The following ZMAT4 variants were observed in gnomAD, a reference collection of about 807,000 sequenced individuals.
The protein encoded by ZMAT4 is zinc finger matrin-type 4.
In ZMAT4, 17 loss-of-function variants were observed where a neutral mutation model predicts 28.7. The ratio of observed to expected loss-of-function variants is 0.59; its 90% CI spans 0.41 to 0.89. The LOEUF is 0.89. Among genes scored for constraint, ZMAT4 ranks in the 40% least tolerant of loss-of-function variants. The probability of loss-of-function intolerance (pLI) is 0.00; values close to 1 mark genes in which losing one functional copy is unlikely to be tolerated. For missense variants in ZMAT4, 240 were observed against 283.8 expected, an observed-to-expected ratio of 0.85 and a Z score of 1.11; for synonymous variants, 117 against 109.2, an observed-to-expected ratio of 1.07 and a Z score of -0.44.
At chr8:40,661,035 T>C (rs1326234518) in intron 5 of ZMAT4, among the ~76,000 whole-genome samples, 2 of 152,216 alleles carry the variant, frequency 1.3e-5, no homozygotes, top group African/African-American at 4.8e-5. Flanking sequence ...TAGGTGCTTA[T>C]TAAATATTAC....
chr8:40,731,449 A>G (rs1353290064), intron 3 of ZMAT4, among the ~76,000 whole-genome samples: 1 of 152,192 alleles, frequency 6.6e-6, no homozygotes, highest in Non-Finnish European at 1.5e-5. Context: ...AGACAAAAAC[A>G]ATAACAAGAA....
At chr8:40,662,019 C>G (rs1008195396) in intron 5 of ZMAT4, among the ~76,000 whole-genome samples, 3 of 152,168 alleles carry the variant, frequency 2.0e-5, no homozygotes, top group African/African-American at 7.2e-5. Context: ...CTCTGTCACC[C>G]AGGCTGGAGT....
intron 2 of ZMAT4, among the ~76,000 whole-genome samples, chr8:40,811,969 A>G (rs1474896794): frequency 6.6e-6 from 1 of 151,890 alleles, no homozygotes; most frequent in Non-Finnish European, 1.5e-5. Context: ...CGTCTCTACT[A>G]AAAATACAAA....
At chr8:40,667,981 C>A (rs1049079915) in intron 5 of ZMAT4, among the ~76,000 whole-genome samples, 1 of 151,944 alleles carries the variant, frequency 6.6e-6, no homozygotes, top group Non-Finnish European at 1.5e-5. Context: ...TATGTGAGTG[C>A]AGGATTGCTA....
intron 6 of ZMAT4, among the ~76,000 whole-genome samples, chr8:40,567,700 CAAAA>C (rs576543188): frequency 9.5e-6 from 1 of 105,188 alleles, no homozygotes. Flanking sequence ...AAGACTGTCT[CAAAA>C]AAAAAAAAAA....
At chr8:40,578,086 T>A (rs1348368741) in intron 6 of ZMAT4, among the ~76,000 whole-genome samples, 5 of 151,996 alleles carry the variant, frequency 3.3e-5, no homozygotes, top group African/African-American at 1.2e-4. Context: ...CAGTCTTGAA[T>A]AAGAAGATAC....
At chr8:40,708,568 T>A (rs1810462364) in intron 3 of ZMAT4, among the ~76,000 whole-genome samples, 1 of 93,498 alleles carries the variant, frequency 1.1e-5, no homozygotes, top group Non-Finnish European at 2.0e-5. Context: ...ACATACACAC[T>A]CTTTCTCTCT....
intron 3 of ZMAT4, among the ~76,000 whole-genome samples, chr8:40,716,571 A>G (rs1227270442): frequency 6.6e-6 from 1 of 152,224 alleles, no homozygotes. Flanking sequence ...GCATGCCTGT[A>G]ATTCCAGCTA....
chr8:40,548,170 C>A (rs576403647), intron 6 of ZMAT4, among the ~76,000 whole-genome samples: 7 of 152,124 alleles, frequency 4.6e-5, no homozygotes, highest in Non-Finnish European at 1.0e-4. Flanking sequence ...GTAGGAAGGA[C>A]CCTTCAGGCC....
intron 5 of ZMAT4, among the ~76,000 whole-genome samples, chr8:40,600,946 T>C (rs1422239252): frequency 6.6e-6 from 1 of 152,152 alleles, no homozygotes; most frequent in East Asian, 1.9e-4. Flanking sequence ...TGCTGTTCCA[T>C]CCACACCTGA....
intron 1 of ZMAT4, among the ~76,000 whole-genome samples, chr8:40,835,394 A>C (rs1586140800): frequency 1.3e-5 from 2 of 152,004 alleles, no homozygotes; most frequent in Admixed American, 1.3e-4. Context: ...ATAGGCTCCT[A>C]CCCTCCCCTC....
chr8:40,536,693 T>C (rs1442170998), intron 6 of ZMAT4, among the ~76,000 whole-genome samples: 2 of 152,076 alleles, frequency 1.3e-5, no homozygotes, highest in Non-Finnish European at 2.9e-5. Context: ...TCCCCCTTGG[T>C]GGAAACCTGC....
intron 3 of ZMAT4, among the ~76,000 whole-genome samples, chr8:40,746,182 C>G (rs1003706017): frequency 1.4e-4 from 21 of 152,162 alleles, no homozygotes; most frequent in African/African-American, 5.1e-4. Flanking sequence ...TGGTTAACAT[C>G]TCTTTCTTTC....
At chr8:40,802,330 A>G (rs1814885022) in intron 2 of ZMAT4, among the ~76,000 whole-genome samples, 1 of 152,212 alleles carries the variant, frequency 6.6e-6, no homozygotes, top group African/African-American at 2.4e-5. Context: ...AAAAGATCTC[A>G]AAGAATCAAC....
chr8:40,662,209 G>C (rs1005402949), intron 5 of ZMAT4, among the ~76,000 whole-genome samples: 1 of 151,978 alleles, frequency 6.6e-6, no homozygotes, highest in Non-Finnish European at 1.5e-5. Flanking sequence ...TCGAATTCCC[G>C]TGCTCAAGCA....
At chr8:40,889,745 A>G (rs1563268999) in intron 1 of ZMAT4, among the ~76,000 whole-genome samples, 1 of 152,222 alleles carries the variant, frequency 6.6e-6, no homozygotes, top group Non-Finnish European at 1.5e-5. Flanking sequence ...TTATGGAGGA[A>G]CCATAATATA....
chr8:40,601,468 G>GGAAAGAAAGAAAGAAAGAAA (rs71224836), intron 5 of ZMAT4, among the ~76,000 whole-genome samples: 733 of 19,914 alleles, frequency 0.037, 60 homozygotes, highest in South Asian at 0.055. Flanking sequence ...GAGGAAGAAA[G>GGAAAGAAAGAAAGAAAGAAA]GAAAGAAAGA....
At chr8:40,643,619 C>T (rs947482176) in intron 5 of ZMAT4, among the ~76,000 whole-genome samples, 6 of 152,022 alleles carry the variant, frequency 3.9e-5, no homozygotes, top group African/African-American at 1.4e-4. Context: ...AATTACTGCC[C>T]ATTGCGATGA....
intron 6 of ZMAT4, among the ~76,000 whole-genome samples, chr8:40,535,277 C>T (rs1802810898): frequency 6.6e-6 from 1 of 152,182 alleles, no homozygotes; most frequent in African/African-American, 2.4e-5. Context: ...CACCACTAGT[C>T]TTTCCCCTTA....
Sources: gnomAD v4.1 joint callset for allele counts (sites outside exome capture counted in the v4.1 genomes callset) on GRCh38, gnomAD v4.1.1 for gene constraint, MANE v1.5 for transcripts, NCBI Gene and HGNC (gene_info 2026-07-23, HGNC 2026-07-21) for gene names.